DPH7: variants seen among roughly 807,000 people sequenced by gnomAD.
DPH7 encodes diphthine methyltransferase.
Under a neutral mutation model 41.7 loss-of-function variants are expected in DPH7, and 44 were observed. The observed-to-expected ratio is 1.05, with a 90% CI of 0.83 to 1.36. The LOEUF is 1.36. Among genes scored for constraint, DPH7 ranks in the 40% most tolerant of loss-of-function variants. The probability of loss-of-function intolerance (pLI) is 0.00; values close to 1 mark genes in which losing one functional copy is unlikely to be tolerated. For synonymous variants in DPH7, 275 were observed against 238.0 expected (o/e 1.16, Z -1.43); for missense variants, 629 against 577.5 (o/e 1.09, Z -0.91).
intron 5 of DPH7, 143 bp downstream of exon 5, chr9:137,574,065 A>C: frequency 2.9e-6 from 2 of 694,732 alleles, no homozygotes; most frequent in Non-Finnish European, 4.4e-6. Flanking sequence ...ACTCAGTTTC[A>C]AAAAAAAAAG....
chr9:137,569,996 TCACCCACCATCTATCCACCCCACCAC>T (rs1286185342), intron 5 of DPH7, among the ~76,000 whole-genome samples: 1 of 136,940 alleles, frequency 7.3e-6, no homozygotes, highest in Non-Finnish European at 1.6e-5. Flanking sequence ...ATCCATCCAG[TCACCCACCATCTATCCACCCCACCAC>T]CACCCACCAT....
In DPH7 at chr9:137,565,111, G is replaced by A. The variant is rs62000380; in HGVS notation, c.684C>T (p.Pro228=). 2,960 of 1,614,038 alleles carry A rather than the reference G, an allele frequency of 1.8e-3. 53 individuals are homozygous for A. In the African/African-American group the frequency reaches 0.035, roughly 19 times the overall value. ...GLLRGWDTRV[P]GKFLFTSKRH... ...TTTTGCTGGTGAAGAGAAATTTGCC[G>A]GGTACCCTGGTGTCCCAGCCCCTCA... Residue 228 remains proline (P), a synonymous_variant, in exon 6 of 9, where the codon CCC becomes CCT. Coordinates refer to ENST00000277540, the MANE Select transcript of DPH7 (RefSeq NM_138778.5).
At chr9:137,570,554 T>C (rs1378965956) in intron 5 of DPH7, among the ~76,000 whole-genome samples, 2 of 152,158 alleles carry the variant, frequency 1.3e-5, no homozygotes, top group Non-Finnish European at 2.9e-5. Flanking sequence ...AAAGAGGTCA[T>C]CGCAAATTTT....
chr9:137,558,065 G>A (rs1196313097), intron 8 of DPH7, among the ~76,000 whole-genome samples: 1 of 152,172 alleles, frequency 6.6e-6, no homozygotes, highest in Non-Finnish European at 1.5e-5. Flanking sequence ...GAACCCGGAA[G>A]GTGGGAGTTG....
chr9:137,564,699 C>T, intron 7 of DPH7, 93 bp from the exon 8 acceptor site: 1 of 1,526,804 alleles, frequency 6.5e-7, no homozygotes, highest in South Asian at 1.2e-5. Flanking sequence ...CTCCCAGAGA[C>T]CTGTCCCATG....
intron 1 of DPH7, 28 bp from the exon 2 acceptor site, chr9:137,577,631 A>G (rs1231670653): frequency 1.2e-6 from 2 of 1,607,868 alleles, no homozygotes. Flanking sequence ...GTAGTCTCTG[A>G]TTATCCCAAG....
At chr9:137,564,410 C>G (rs1471232898) in intron 8 of DPH7, 24 bp downstream of exon 8, 8 of 1,599,682 alleles carry the variant, frequency 5.0e-6, no homozygotes, top group Non-Finnish European at 6.8e-6. Flanking sequence ...CCCTGAGGCC[C>G]AGCAGCCACG....
intron 8 of DPH7, among the ~76,000 whole-genome samples, chr9:137,558,996 A>G (rs1838026994): frequency 6.6e-6 from 1 of 152,190 alleles, no homozygotes; most frequent in African/African-American, 2.4e-5. Context: ...GCGGCAAGCC[A>G]CCCAGGCACC....
intron 5 of DPH7, among the ~76,000 whole-genome samples, chr9:137,571,973 A>G (rs1439362970): frequency 6.6e-6 from 1 of 152,192 alleles, no homozygotes. Flanking sequence ...AATTAGCTCA[A>G]GGTAGAAGAA....
chr9:137,572,768 A>T (rs1309075213), intron 5 of DPH7, among the ~76,000 whole-genome samples: 2 of 152,206 alleles, frequency 1.3e-5, no homozygotes, highest in Non-Finnish European at 2.9e-5. Flanking sequence ...AATGCAAACC[A>T]TTCACAAGAC....
In DPH7 at chr9:137,578,612, G is replaced by A; in HGVS notation, c.153+13C>T. Reference sequence around the variant, plus strand: ...GGCCCCGCCCTCCCCTCCCGAAGCCGCGGCGCGCGCACCTTGTTCTGGGGG... The same window carrying A: ...GGCCCCGCCCTCCCCTCCCGAAGCCACGGCGCGCGCACCTTGTTCTGGGGG... On this transcript the variant is annotated intron_variant, in intron 1 of 8. Transcript: ENST00000277540. 1.0e-6 allele frequency: 1 copy of A among 986,720 alleles called. No individual in the cohort carries two copies. The allele number at this position is 986,720 out of a possible 1,614,324, so 61.1% of individuals were successfully genotyped here. A position where few individuals can be genotyped will look rare whatever the true frequency, so the allele number is the denominator to read the frequency against.
Position 137,564,931 on chromosome 9 carries a change from C to G in DPH7, c.738G>C (p.Gln246His), listed in dbSNP as rs1839320963. 11 of 1,596,442 alleles carry G rather than the reference C, an allele frequency of 6.9e-6. 1 individual carries two copies. The African/African-American group carries it at 1.3e-4, about 19-fold the overall frequency. Residue 246 changes from glutamine (Q) to histidine (H), a missense_variant, in exon 7 of 9, where the codon CAG becomes CAC. Coordinates refer to ENST00000277540, the MANE Select transcript of DPH7 (RefSeq NM_138778.5). ...KRHTMGVCSI[Q>H]SSPHREHILA... ...GGATGTGCTCCCGATGAGGGCTGCT[C>G]TGGATGCTGCACACACCCATGGTGT...
chr9:137,558,007 A>G (rs1837819877), intron 8 of DPH7, among the ~76,000 whole-genome samples: 1 of 152,116 alleles, frequency 6.6e-6, no homozygotes, highest in South Asian at 2.1e-4. Flanking sequence ...GTGGTGGCAC[A>G]CACCTGTAAT....
chr9:137,558,555 A>T (rs1263004843), intron 8 of DPH7, among the ~76,000 whole-genome samples: 1 of 152,198 alleles, frequency 6.6e-6, no homozygotes, highest in Non-Finnish European at 1.5e-5. Context: ...ACGTTAAGCT[A>T]TGTAAAGAAG....
At chr9:137,573,099 C>T (rs1166102653) in intron 5 of DPH7, among the ~76,000 whole-genome samples, 6 of 152,206 alleles carry the variant, frequency 3.9e-5, no homozygotes, top group African/African-American at 4.8e-5. Context: ...AGGTGGCTCA[C>T]GCCTGTAATC....
Position 137,576,103 on chromosome 9 carries a change from G to C in DPH7, c.352C>G (p.Leu118Val). Reference sequence around the variant, plus strand: ...ACCTCAGATTCCACCAGGCGGAGCAGTTGTATGGATCCACTGGCATCTGCC... The same window carrying C: ...ACCTCAGATTCCACCAGGCGGAGCACTTGTATGGATCCACTGGCATCTGCC... Reference protein sequence around the residue: ...GLADASGSIQLLRLVESEKSH... With the variant: ...GLADASGSIQVLRLVESEKSH... The change falls in exon 3 of 9, where the codon CTG (leucine) becomes GTG (valine). Residue 118 changes from leucine (L) to valine (V), a missense_variant. Physicochemically the swap from Leu to Val is conservative, Grantham distance 32. Transcript: ENST00000277540. 6.2e-7 allele frequency: 1 copy of C among 1,613,926 alleles called. No individual in the cohort carries two copies. The highest frequency in any genetic ancestry group is 8.5e-7 in the Non-Finnish European group (1 of 1,180,034).
intron 8 of DPH7, among the ~76,000 whole-genome samples, chr9:137,561,624 G>A (rs573988591): frequency 1.2e-4 from 18 of 148,320 alleles, no homozygotes; most frequent in Middle Eastern, 3.5e-3. Context: ...GAATGAAAAC[G>A]ATGCATCACG....
intron 5 of DPH7, among the ~76,000 whole-genome samples, chr9:137,571,776 G>A (rs766777336): frequency 2.6e-5 from 4 of 151,982 alleles, no homozygotes; most frequent in Non-Finnish European, 5.9e-5. Flanking sequence ...CAATAAGAGC[G>A]AAACTCCATC....
At chr9:137,560,340 C>T (rs549072958) in intron 8 of DPH7, among the ~76,000 whole-genome samples, 10 of 152,086 alleles carry the variant, frequency 6.6e-5, no homozygotes, top group Non-Finnish European at 1.0e-4. Context: ...CAATTGCGAG[C>T]TGAGACTTAG....
Sources: allele counts gnomAD v4.1 joint callset (sites outside exome capture counted in the v4.1 genomes callset), GRCh38; gene constraint gnomAD v4.1.1; transcripts MANE v1.5; gene names NCBI Gene and HGNC (gene_info 2026-07-23, HGNC 2026-07-21).